ZNF486: variants seen among roughly 807,000 people sequenced by gnomAD.
ZNF486 encodes zinc finger protein 486.
ZNF486 carries 12 observed loss-of-function variants against 12.8 expected under a neutral mutation model. The ratio of observed to expected loss-of-function variants is 0.94; its 90% confidence interval spans 0.60 to 1.52. ZNF486 has a LOEUF of 1.52. Among genes scored for constraint, ZNF486 ranks in the 40% most tolerant of loss-of-function variants. ZNF486 has a pLI of 0.00. For synonymous variants in ZNF486, 231 were observed against 184.9 expected, an observed-to-expected ratio of 1.25 and a Z score of -2.02; for missense variants, 738 against 545.0, an observed-to-expected ratio of 1.35 and a Z score of -3.53.
chr19:20,192,788 G>A (rs1295653265), intron 3 of ZNF486, among the ~76,000 whole-genome samples: 1 of 152,090 alleles, frequency 6.6e-6, no homozygotes, highest in Non-Finnish European at 1.5e-5. Flanking sequence ...ACAGAGTTTT[G>A]CCATGTTGCC....
intron 1 of ZNF486, among the ~76,000 whole-genome samples, chr19:20,169,270 A>T (rs1381100523): frequency 1.3e-5 from 2 of 152,172 alleles, no homozygotes; most frequent in Non-Finnish European, 2.9e-5. Flanking sequence ...ACGCGCCGTC[A>T]CGCCCGGCTA....
chr19:20,174,900 C>A (rs773333273), intron 1 of ZNF486: 37 of 152,128 alleles, frequency 2.4e-4, no homozygotes, highest in Admixed American at 2.0e-3. Flanking sequence ...TATTACAGGA[C>A]AAATAAAGAC....
intron 1 of ZNF486, among the ~76,000 whole-genome samples, chr19:20,173,493 G>C (rs1488316927): frequency 2.0e-5 from 3 of 152,006 alleles, no homozygotes; most frequent in African/African-American, 7.2e-5. Flanking sequence ...AGCGCATACA[G>C]TATGCAAAAC....
chr19:20,171,836 A>T (rs1373252585), intron 1 of ZNF486, among the ~76,000 whole-genome samples: 1 of 152,208 alleles, frequency 6.6e-6, no homozygotes, highest in Non-Finnish European at 1.5e-5. Context: ...CCATAGCACC[A>T]AACAGGTGTG....
At position 20,181,945 on chromosome 19, in the gene ZNF486, C is replaced by G. The variant is rs1255106296; in HGVS notation, c.31-2411C>G. On this transcript the variant is annotated intron_variant, in intron 1 of 3. Coordinates refer to ENST00000335117, the MANE Select transcript of ZNF486 (RefSeq NM_052852.4). ...CCAGCACAGTGCTCTGTATCATTCTCTTGAGCACAAAGTACCTGCTTAATA... is the reference window on the plus strand; with the variant it reads ...CCAGCACAGTGCTCTGTATCATTCTGTTGAGCACAAAGTACCTGCTTAATA... Among the ~76,000 whole-genome samples, 6 of 152,308 alleles carry G rather than the reference C, an allele frequency of 3.9e-5. No homozygotes were observed. In the East Asian group the frequency reaches 1.2e-3, roughly 29 times the overall value.
intron 3 of ZNF486, among the ~76,000 whole-genome samples, chr19:20,191,603 A>G (rs1300326178): frequency 6.6e-6 from 1 of 150,422 alleles, no homozygotes; most frequent in Non-Finnish European, 1.5e-5. Context: ...CCCCGTCTCT[A>G]TTAAAAATAT....
intron 1 of ZNF486, among the ~76,000 whole-genome samples, chr19:20,168,692 C>T (rs1341020621): frequency 3.3e-5 from 5 of 152,010 alleles, no homozygotes; most frequent in African/African-American, 1.2e-4. Flanking sequence ...AATTTTCTTC[C>T]TTTATGTAAA....
rs1555718372 is a variant in ZNF486, at chr19:20,197,959, A to G, written c.1249A>G (p.Thr417Ala). ...TGAAGAATGTGGCAAAGCGTATACT[A>G]CATCCTCAAATCTAACTGAACATAA... ...KCEECGKAYT[T>A]SSNLTEHKTT... The change falls in exon 4 of 4, where the codon ACA (threonine) becomes GCA (alanine). Residue 417 changes from threonine (T) to alanine (A), a missense_variant. Thr to Ala is a moderately conservative substitution (Grantham distance 58). Transcript: ENST00000335117. The G allele has an allele frequency of 6.2e-7, 1 of 1,613,564 alleles. No homozygotes were observed. Among genetic ancestry groups the G allele is most frequent in the African/African-American group, 1.3e-5 (1 of 74,858 alleles).
rs2089998991 is a variant in ZNF486, at chr19:20,200,083, A to C, written c.*1981A>C. 6.6e-6 allele frequency: 1 copy of C among 152,126 alleles called. No homozygotes were observed. The highest frequency in any genetic ancestry group is 2.1e-4 in the South Asian group (1 of 4,828). 9.4% of individuals were successfully genotyped at this position (152,126 alleles called of 1,614,324 possible). A position where few individuals can be genotyped will look rare whatever the true frequency, so the allele number is the denominator to read the frequency against. On this transcript the variant is annotated 3_prime_UTR_variant, in exon 4 of 4. Transcript: ENST00000335117. The stretch of plus-strand genomic sequence containing the variant: ...AGAGCAAGACTCCATCTCAAAAAAA[A>C]AAGTGTATTTGTTTCCTTAAAAAAA...
chr19:20,182,440 TC>T (rs1193824818), intron 1 of ZNF486, among the ~76,000 whole-genome samples: 1 of 152,220 alleles, frequency 6.6e-6, no homozygotes, highest in African/African-American at 2.4e-5. Context: ...TTCTGTTTGT[TC>T]TGCATGGAAG....
intron 2 of ZNF486, among the ~76,000 whole-genome samples, chr19:20,185,545 G>A (rs2089833541): frequency 6.6e-6 from 1 of 150,882 alleles, no homozygotes; most frequent in Non-Finnish European, 1.5e-5. Flanking sequence ...TGAGTAGCTG[G>A]TACTACTACA....
intron 1 of ZNF486, among the ~76,000 whole-genome samples, chr19:20,169,498 C>A (rs567344023): frequency 2.6e-5 from 4 of 152,132 alleles, no homozygotes; most frequent in African/African-American, 9.7e-5. Context: ...ATGGAAGGAG[C>A]CTTTATCCTG....
chr19:20,168,538 C>T (rs142885324), intron 1 of ZNF486, among the ~76,000 whole-genome samples: 7,997 of 151,854 alleles, frequency 0.053, 746 homozygotes, highest in African/African-American at 0.18. Flanking sequence ...CCTGTAATCC[C>T]AGCTACTCGG....
intron 1 of ZNF486, among the ~76,000 whole-genome samples, chr19:20,169,493 A>T (rs1555713539): frequency 6.6e-6 from 1 of 152,192 alleles, no homozygotes; most frequent in Non-Finnish European, 1.5e-5. Context: ...CACCCATGGA[A>T]GGAGCCTTTA....
intron 1 of ZNF486, among the ~76,000 whole-genome samples, chr19:20,175,733 T>A (rs1319548553): frequency 2.6e-5 from 4 of 152,308 alleles, no homozygotes; most frequent in Non-Finnish European, 4.4e-5. Context: ...GTCTACTTCT[T>A]TCTACACAGA....
At chr19:20,193,675 A>G (rs2122680057) in intron 3 of ZNF486, among the ~76,000 whole-genome samples, 1 of 152,242 alleles carries the variant, frequency 6.6e-6, no homozygotes, top group African/African-American at 2.4e-5. Context: ...AATAAAAAAA[A>G]ATATGTCTTT....
At position 20,197,007 on chromosome 19, in the gene ZNF486, C is replaced by T; in HGVS notation, c.297C>T (p.Ser99=). ...CCCAAGACCTTTGGCCAGAGCAGAG[C>T]ATAAAAGATTCTTACCAAAAAGTGA... ...HFAQDLWPEQ[S]IKDSYQKVIL... is the part of the protein sequence containing the mutation. The change falls in exon 4 of 4, where the codon AGC becomes AGT. Residue 99 remains serine, a synonymous_variant. Transcript: ENST00000335117. The T allele has an allele frequency of 6.3e-7, 1 of 1,599,988 alleles. No homozygotes were observed. The highest frequency in any genetic ancestry group is 8.5e-7 in the Non-Finnish European group (1 of 1,175,116).
intron 1 of ZNF486, among the ~76,000 whole-genome samples, chr19:20,170,163 C>T (rs1367711778): frequency 6.6e-6 from 1 of 151,954 alleles, no homozygotes; most frequent in Non-Finnish European, 1.5e-5. Context: ...TCCCGAAGTG[C>T]TGGGATTACA....
intron 1 of ZNF486, among the ~76,000 whole-genome samples, chr19:20,175,645 G>A (rs1448689830): frequency 6.6e-6 from 1 of 152,028 alleles, no homozygotes; most frequent in African/African-American, 2.4e-5. Flanking sequence ...CACAGGGTTG[G>A]GGGTAAGGTC....
Sources: allele counts gnomAD v4.1 joint callset (sites outside exome capture counted in the v4.1 genomes callset), GRCh38; gene constraint gnomAD v4.1.1; transcripts MANE v1.5; gene names NCBI Gene and HGNC (gene_info 2026-07-23, HGNC 2026-07-21).